IPP: variants seen among roughly 807,000 people sequenced by gnomAD.
IPP encodes the protein intracisternal A particle-promoted polypeptide, also known as actin-binding protein IPP.
IPP carries 41 observed loss-of-function variants against 64.1 expected under a neutral mutation model. The observed-to-expected ratio is 0.64, with a 90% CI of 0.50 to 0.83. The LOEUF (loss-of-function observed/expected upper bound fraction) is 0.83, where lower values mean the gene tolerates loss of function less well. Ranked by LOEUF, IPP falls within the 40% of genes least tolerant of loss-of-function variation. IPP has a pLI of 0.00. For missense variants in IPP, 649 were observed against 703.0 expected (o/e 0.92, Z 0.87); for synonymous variants, 214 against 235.2 (o/e 0.91, Z 0.83).
At chr1:45,718,833 G>T (rs1227241347) in intron 6 of IPP, among the ~76,000 whole-genome samples, 2 of 149,676 alleles carry the variant, frequency 1.3e-5, no homozygotes, top group Non-Finnish European at 3.0e-5. Context: ...TAGAAGGATG[G>T]TTACCAGAGG....
At chr1:45,698,151 G>A (rs971829209), downstream of IPP, 23 of 151,660 alleles carry the variant, frequency 1.5e-4, no homozygotes, top group African/African-American at 5.4e-4. Flanking sequence ...AATTAGCTAG[G>A]CATGGTGGTG....
chr1:45,719,238 C>T lies in IPP; in HGVS notation c.1151G>A (p.Gly384Glu), dbSNP rs1447217427. Reference sequence around the variant, plus strand: ...GATAGCCCCATAACACACACACACTCCTAAGCCGCAGCGGGGATGATTCAT... The same window carrying T: ...GATAGCCCCATAACACACACACACTTCTAAGCCGCAGCGGGGATGATTCAT... ...ASMNHPRCGL[G>E]VCVCYGAIYA... The change falls in exon 6 of 9, where the codon GGA (glycine) becomes GAA (glutamate). Residue 384 changes from glycine to glutamate, a missense_variant. Coordinates refer to ENST00000396478, the MANE Select transcript of IPP (RefSeq NM_005897.3). 3 of 1,614,020 alleles carry T rather than the reference C, an allele frequency of 1.9e-6. No homozygotes were observed. The highest frequency in any genetic ancestry group is 1.3e-5 in the African/African-American group (1 of 75,022).
At chr1:45,714,199 A>G (rs556628475) in intron 8 of IPP, 47 bp downstream of exon 8, 1 of 1,317,996 alleles carries the variant, frequency 7.6e-7, no homozygotes, top group South Asian at 1.2e-5. Flanking sequence ...TCTTACAGAC[A>G]TTAAAAGAAT....
Position 45,741,210 on chromosome 1 carries a change from A to C in IPP, c.415T>G (p.Cys139Gly). 1 of 1,614,200 alleles carries C rather than the reference A, an allele frequency of 6.2e-7. No individual in the cohort carries two copies. Among genetic ancestry groups the C allele is most frequent in the African/African-American group, 1.3e-5 (1 of 75,066 alleles). The change falls in exon 3 of 9, where the codon TGC (cysteine) becomes GGC (glycine). Residue 139 changes from cysteine to glycine, a missense_variant. By Grantham distance (159) the Cys-to-Gly change is radical (BLOSUM62 -3). Transcript: ENST00000396478. Reference sequence around the variant, plus strand: ...TCAGAGAACTGAAAAATTCCAATGCAGTTCAGTGGATCAATTTGTCCTTTC... The same window carrying C: ...TCAGAGAACTGAAAAATTCCAATGCCGTTCAGTGGATCAATTTGTCCTTTC... Reference protein sequence around the residue: ...FLKGQIDPLNCIGIFQFSEQI... With the variant: ...FLKGQIDPLNGIGIFQFSEQI...
At chr1:45,714,518 A>G (rs1486126471) in intron 7 of IPP, 52 bp from the exon 8 acceptor site, 3 of 1,032,732 alleles carry the variant, frequency 2.9e-6, no homozygotes, top group Non-Finnish European at 4.6e-6. Flanking sequence ...GATACAAATA[A>G]TGATGAAAAG....
At chr1:45,747,099 C>T (rs947063192) in intron 1 of IPP, among the ~76,000 whole-genome samples, 1 of 151,828 alleles carries the variant, frequency 6.6e-6, no homozygotes, top group East Asian at 2.0e-4. Flanking sequence ...ACTCTTAGTG[C>T]GCGCATGCGC....
intron 5 of IPP, among the ~76,000 whole-genome samples, chr1:45,725,148 G>C (rs1368228504): frequency 9.1e-6 from 1 of 109,546 alleles, no homozygotes. Flanking sequence ...CAGCCGCCCC[G>C]TCCGGGAGTG....
At chr1:45,701,567 G>A (rs905006977) in intron 8 of IPP, among the ~76,000 whole-genome samples, 11 of 152,178 alleles carry the variant, frequency 7.2e-5, no homozygotes, top group Non-Finnish European at 1.0e-4. Flanking sequence ...GATTACAGGC[G>A]TGAGCCACCG....
At chr1:45,749,488 T>C (rs569763967) in intron 1 of IPP, among the ~76,000 whole-genome samples, 1 of 150,048 alleles carries the variant, frequency 6.7e-6, no homozygotes, top group East Asian at 2.0e-4. Flanking sequence ...GATCGCTTGA[T>C]TTTTTGTTTT....
intron 3 of IPP, among the ~76,000 whole-genome samples, chr1:45,732,361 CAAAAAAAAA>C (rs779442718): frequency 1.7e-5 from 1 of 59,772 alleles, no homozygotes; most frequent in Non-Finnish European, 2.8e-5. Flanking sequence ...GACTCCACCT[CAAAAAAAAA>C]AAAAAAAAAA....
chr1:45,716,894 C>G lies in IPP; in HGVS notation c.1309+1G>C. 6.2e-7 allele frequency: 1 copy of G among 1,605,202 alleles called. No individual in the cohort carries two copies. The highest frequency in any genetic ancestry group is 8.5e-7 in the Non-Finnish European group (1 of 1,177,094). ...GGAAAAATATTTTATAAAGTGATTA[C>G]CTTGCATTTCACAGCACCCAAAGTA... On this transcript the variant is annotated splice_donor_variant, in intron 7 of 8. Transcript: ENST00000396478. LOFTEE classifies it high-confidence loss of function.
chr1:45,724,652 G>T (rs1250929084), intron 5 of IPP, among the ~76,000 whole-genome samples: 12 of 150,450 alleles, frequency 8.0e-5, no homozygotes, highest in Admixed American at 3.3e-4. Flanking sequence ...GATGTGAGGA[G>T]CGCCTCTGCC....
At chr1:45,730,666 ACCTGTTCTC>A (rs143179999) in intron 3 of IPP, among the ~76,000 whole-genome samples, 8,303 of 151,950 alleles carry the variant, frequency 0.055, 732 homozygotes, top group African/African-American at 0.19. Flanking sequence ...AAGTTGTAAG[ACCTGTTCTC>A]CCTGAAAGGG....
chr1:45,729,946 T>A (rs1490239895), intron 3 of IPP, among the ~76,000 whole-genome samples, 177 bp from the exon 4 acceptor site: 1 of 152,238 alleles, frequency 6.6e-6, no homozygotes, highest in Admixed American at 6.5e-5. Context: ...AGGGAAGTAT[T>A]TTCTTCACTA....
intron 3 of IPP, among the ~76,000 whole-genome samples, chr1:45,735,014 A>T (rs1645958621): frequency 6.6e-6 from 1 of 152,102 alleles, no homozygotes; most frequent in African/African-American, 2.4e-5. Flanking sequence ...TCCTGACCTC[A>T]GGTGATCTGC....
At chr1:45,714,557 C>T (rs779377398) in intron 7 of IPP, 91 bp from the exon 8 acceptor site, 15 of 772,000 alleles carry the variant, frequency 1.9e-5, no homozygotes, top group Admixed American at 2.0e-5. Context: ...TTTCCAATGC[C>T]GATGCTATGT....
At chr1:45,708,656 G>A (rs1468719586) in intron 8 of IPP, among the ~76,000 whole-genome samples, 1 of 143,332 alleles carries the variant, frequency 7.0e-6, no homozygotes, top group Admixed American at 7.0e-5. Context: ...TCCAGCCTGG[G>A]TGATGAGAGT....
At chr1:45,704,293 A>G (rs981228295) in intron 8 of IPP, among the ~76,000 whole-genome samples, 18 of 151,226 alleles carry the variant, frequency 1.2e-4, no homozygotes, top group African/African-American at 4.4e-4. Context: ...GCTGGAGTGC[A>G]GTGGCGTGAT....
chr1:45,716,822 G>T, intron 7 of IPP, 73 bp downstream of exon 7: 1 of 1,335,710 alleles, frequency 7.5e-7, no homozygotes, highest in South Asian at 1.3e-5. Context: ...ATACTTTTGT[G>T]AAAATAAGGC....
Sources: allele counts gnomAD v4.1 joint callset (sites outside exome capture counted in the v4.1 genomes callset), GRCh38; gene constraint gnomAD v4.1.1; transcripts MANE v1.5; gene names NCBI Gene and HGNC (gene_info 2026-07-23, HGNC 2026-07-21).